CRYBG1: variants seen among roughly 807,000 people sequenced by gnomAD.
The protein encoded by CRYBG1 is crystallin beta-gamma domain containing 1, also known as beta/gamma crystallin domain-containing protein 1.
A neutral mutation model predicts 189.2 loss-of-function variants in CRYBG1; 139 were observed. That is an observed-to-expected ratio of 0.73 (90% CI 0.64 to 0.85). The LOEUF is 0.85. CRYBG1 is among the 40% of genes least tolerant of loss of function. The pLI is 0.00. For missense variants in CRYBG1, 2,611 were observed against 2,675.8 expected, an observed-to-expected ratio of 0.98 and a Z score of 0.53; for synonymous variants, 1,023 against 1,017.1, an observed-to-expected ratio of 1.01 and a Z score of -0.11.
At chr6:106,417,322 A>T (rs1771040032) in intron 1 of CRYBG1, among the ~76,000 whole-genome samples, 1 of 152,160 alleles carries the variant, frequency 6.6e-6, no homozygotes, top group Non-Finnish European at 1.5e-5. Context: ...TCTAGGGCAT[A>T]AGATGTAACG....
chr6:106,561,614 A>G, intron 20 of CRYBG1, 114 bp downstream of exon 20: 1 of 1,270,510 alleles, frequency 7.9e-7, no homozygotes, highest in Non-Finnish European at 1.1e-6. Context: ...TTCCTGGAGT[A>G]CTTTCAGAAA....
intron 1 of CRYBG1, among the ~76,000 whole-genome samples, chr6:106,366,580 A>G (rs1274012564): frequency 6.6e-6 from 1 of 152,230 alleles, no homozygotes; most frequent in Non-Finnish European, 1.5e-5. Context: ...CAGTCAAAGG[A>G]TAGTAGACTT....
In CRYBG1 at chr6:106,421,091, T is replaced by C. The variant is rs1272210840; in HGVS notation, c.174-30603T>C. Among the ~76,000 whole-genome samples the C allele has an allele frequency of 2.0e-4, 30 of 152,148 alleles. 1 individual carries two copies. The highest frequency in any genetic ancestry group is 2.0e-3 in the Admixed American group (30 of 15,262). On this transcript the variant is annotated intron_variant, in intron 1 of 21. Coordinates refer to ENST00000633556, the MANE Select transcript of CRYBG1 (RefSeq NM_001371242.2). ...ATGGGGACAGGAAGCCATCCCACTT[T>C]GAGAATCTGAGGCAATCAACACACT...
At chr6:106,458,104 T>C (rs1191206283) in intron 2 of CRYBG1, among the ~76,000 whole-genome samples, 1 of 152,270 alleles carries the variant, frequency 6.6e-6, no homozygotes, top group Non-Finnish European at 1.5e-5. Context: ...GTATTGCCTA[T>C]GCAGAAATTT....
intron 2 of CRYBG1, among the ~76,000 whole-genome samples, chr6:106,470,185 G>A (rs149627014): frequency 1.8e-4 from 28 of 152,282 alleles, no homozygotes; most frequent in African/African-American, 6.3e-4. Flanking sequence ...AGAGCCAGGT[G>A]TGGTAGCTCA....
chr6:106,394,538 C>T (rs912847894), intron 1 of CRYBG1, among the ~76,000 whole-genome samples: 1 of 152,184 alleles, frequency 6.6e-6, no homozygotes, highest in African/African-American at 2.4e-5. Context: ...GTAAACCGAA[C>T]ATGAGGGCAC....
At chr6:106,543,114 C>T (rs1464277072) in intron 10 of CRYBG1, among the ~76,000 whole-genome samples, 1 of 150,910 alleles carries the variant, frequency 6.6e-6, no homozygotes, top group Non-Finnish European at 1.5e-5. Context: ...CTCACTTAAC[C>T]CTCTGCCTCC....
chr6:106,505,062 G>C (rs1461710383), intron 2 of CRYBG1, among the ~76,000 whole-genome samples: 1 of 150,594 alleles, frequency 6.6e-6, no homozygotes, highest in South Asian at 2.1e-4. Flanking sequence ...TGATCCTCCG[G>C]CACAGGACAA....
chr6:106,446,557 A>T (rs1254888391), intron 1 of CRYBG1, among the ~76,000 whole-genome samples: 1 of 151,848 alleles, frequency 6.6e-6, no homozygotes, highest in South Asian at 2.1e-4. Context: ...TTGGATGTAC[A>T]TTACTATAAA....
intron 11 of CRYBG1, 41 bp downstream of exon 11, chr6:106,543,638 G>A (rs749585767): frequency 2.0e-5 from 32 of 1,583,454 alleles, no homozygotes; most frequent in Middle Eastern, 1.7e-4. Flanking sequence ...TTTTTTTTCC[G>A]AAATATTAAG....
Position 106,487,928 on chromosome 6 carries a change from C to T in CRYBG1, c.313-23502C>T, listed in dbSNP as rs1562084587. ...ATCTGTCCATCTGGTAATACAGTGG[C>T]TTTTTCCAATTTTATGGAGTGGCTT... On this transcript the variant is annotated intron_variant, in intron 2 of 21. Coordinates refer to ENST00000633556, the MANE Select transcript of CRYBG1 (RefSeq NM_001371242.2). Among the ~76,000 whole-genome samples the T allele has an allele frequency of 2.6e-5, 4 of 152,110 alleles. 1 individual carries two copies. The highest frequency in any genetic ancestry group is 2.6e-4 in the Admixed American group (4 of 15,276).
At chr6:106,522,107 A>G (rs1773624422) in intron 4 of CRYBG1, among the ~76,000 whole-genome samples, 1 of 152,198 alleles carries the variant, frequency 6.6e-6, no homozygotes, top group South Asian at 2.1e-4. Context: ...TTTAGAGTTC[A>G]GAGACAGATG....
chr6:106,379,463 G>T (rs186507243), intron 1 of CRYBG1, among the ~76,000 whole-genome samples: 1 of 151,158 alleles, frequency 6.6e-6, no homozygotes, highest in African/African-American at 2.4e-5. Flanking sequence ...GGGTTTCACC[G>T]GGTTAGCCAG....
Position 106,569,233 on chromosome 6 carries a change from T to C in CRYBG1, c.*667T>C, listed in dbSNP as rs1056028409. On this transcript the variant is annotated 3_prime_UTR_variant, in exon 22 of 22. Coordinates refer to ENST00000633556, the MANE Select transcript of CRYBG1 (RefSeq NM_001371242.2). ...GTCTGGTAACATTTGTTAGTAGGATTTGAGTTATTATTTTTTGAGACAGGA... is the reference window on the plus strand; with the variant it reads ...GTCTGGTAACATTTGTTAGTAGGATCTGAGTTATTATTTTTTGAGACAGGA... 6.6e-6 allele frequency: 1 copy of C among 152,150 alleles called. No individual in the cohort carries two copies. The highest frequency in any genetic ancestry group is 2.4e-5 in the African/African-American group (1 of 41,426). 9.4% of individuals were successfully genotyped at this position (152,150 alleles called of 1,614,324 possible). A position where few individuals can be genotyped will look rare whatever the true frequency, so the allele number is the denominator to read the frequency against.
chr6:106,387,449 C>A (rs964189887), intron 1 of CRYBG1, among the ~76,000 whole-genome samples: 1 of 152,216 alleles, frequency 6.6e-6, no homozygotes, highest in African/African-American at 2.4e-5. Context: ...TCCCTCTATA[C>A]TCACAGCCGA....
intron 21 of CRYBG1, among the ~76,000 whole-genome samples, chr6:106,564,924 TTATGAG>T (rs1411143046): frequency 1.3e-5 from 2 of 152,318 alleles, no homozygotes; most frequent in East Asian, 3.9e-4. Context: ...TTTTAAATTT[TTATGAG>T]TATATTACAT....
At chr6:106,529,037 A>G (rs997849936) in intron 7 of CRYBG1, among the ~76,000 whole-genome samples, 2 of 150,796 alleles carry the variant, frequency 1.3e-5, no homozygotes, top group African/African-American at 4.9e-5. Context: ...TCTGCCTCCC[A>G]GGGGTTCAAG....
chr6:106,403,582 A>G (rs1770763833), intron 1 of CRYBG1, among the ~76,000 whole-genome samples: 1 of 152,232 alleles, frequency 6.6e-6, no homozygotes, highest in Non-Finnish European at 1.5e-5. Flanking sequence ...CAACAGTAAG[A>G]AACACATTTT....
chr6:106,436,371 C>T (rs149012084), intron 1 of CRYBG1, among the ~76,000 whole-genome samples: 7,052 of 151,508 alleles, frequency 0.047, 538 homozygotes, highest in African/African-American at 0.16. Flanking sequence ...CGATCTCGGC[C>T]CACTGCAGGC....
Sources: gnomAD v4.1 joint callset for allele counts (sites outside exome capture counted in the v4.1 genomes callset) on GRCh38, gnomAD v4.1.1 for gene constraint, MANE v1.5 for transcripts, NCBI Gene and HGNC (gene_info 2026-07-23, HGNC 2026-07-21) for gene names.